The following CDH13 variants were observed in gnomAD, a reference collection of about 807,000 sequenced individuals.
The protein encoded by CDH13 is cadherin-13.
In CDH13, 24 loss-of-function variants were observed where a neutral mutation model predicts 63.8. The observed-to-expected ratio is 0.38, with a 90% CI of 0.27 to 0.53. The LOEUF is 0.53. Ranked by LOEUF, CDH13 falls within the 20% of genes least tolerant of loss-of-function variation. The pLI is 0.85. For missense variants in CDH13, 1,049 were observed against 903.1 expected, an observed-to-expected ratio of 1.16 and a Z score of -2.07; for synonymous variants, 503 against 355.3, an observed-to-expected ratio of 1.42 and a Z score of -4.67.
At chr16:83,331,355 C>G (rs1045441804) in intron 5 of CDH13, among the ~76,000 whole-genome samples, 1 of 152,158 alleles carries the variant, frequency 6.6e-6, no homozygotes. Flanking sequence ...ACTGTAAAGA[C>G]TAGAAAAGCC....
At chr16:83,218,036 T>A (rs571428310) in intron 5 of CDH13, among the ~76,000 whole-genome samples, 362 of 152,282 alleles carry the variant, frequency 2.4e-3, no homozygotes, top group Admixed American at 4.2e-3. Context: ...CAGACACATA[T>A]GGTATCCTCA....
At chr16:82,767,339 T>C (rs1171853503) in intron 1 of CDH13, among the ~76,000 whole-genome samples, 2 of 152,198 alleles carry the variant, frequency 1.3e-5, no homozygotes, top group African/African-American at 4.8e-5. Context: ...CTCTGATTGT[T>C]TTCTATCTTG....
intron 6 of CDH13, among the ~76,000 whole-genome samples, chr16:83,440,899 A>T (rs2072461960): frequency 6.6e-6 from 1 of 152,052 alleles, no homozygotes; most frequent in Admixed American, 6.5e-5. Flanking sequence ...AGAAAAGATG[A>T]ACCCATGACT....
chr16:83,512,103 C>T (rs2074581219), intron 7 of CDH13, among the ~76,000 whole-genome samples: 1 of 151,762 alleles, frequency 6.6e-6, no homozygotes, highest in Non-Finnish European at 1.5e-5. Context: ...GGGCGGATCA[C>T]GAGGTCTGGA....
At chr16:82,967,015 A>C (rs1907940536) in intron 2 of CDH13, among the ~76,000 whole-genome samples, 1 of 152,130 alleles carries the variant, frequency 6.6e-6, no homozygotes, top group Non-Finnish European at 1.5e-5. Flanking sequence ...CTCAGATCTC[A>C]TGTCTCTTTA....
intron 7 of CDH13, among the ~76,000 whole-genome samples, chr16:83,494,736 C>G (rs913708408): frequency 2.6e-5 from 4 of 152,172 alleles, no homozygotes; most frequent in African/African-American, 9.7e-5. Flanking sequence ...TAATGATAGA[C>G]CATTTCAAGA....
intron 7 of CDH13, among the ~76,000 whole-genome samples, chr16:83,547,697 C>T (rs1054881779): frequency 1.3e-5 from 2 of 152,166 alleles, no homozygotes; most frequent in Non-Finnish European, 2.9e-5. Context: ...ATCCAGTCTA[C>T]AGTTGATGGG....
intron 5 of CDH13, among the ~76,000 whole-genome samples, chr16:83,292,616 C>T (rs2089491751): frequency 1.3e-5 from 2 of 152,126 alleles, no homozygotes; most frequent in South Asian, 2.1e-4. Flanking sequence ...AGGCCCATCA[C>T]ACACTCTCAC....
At chr16:82,833,388 A>G (rs2038628790) in intron 1 of CDH13, among the ~76,000 whole-genome samples, 1 of 152,194 alleles carries the variant, frequency 6.6e-6, no homozygotes, top group African/African-American at 2.4e-5. Context: ...AGTTGCATAG[A>G]TAGTAAATTG....
At chr16:83,046,750 G>C (rs1917820703) in intron 3 of CDH13, among the ~76,000 whole-genome samples, 1 of 152,172 alleles carries the variant, frequency 6.6e-6, no homozygotes, top group Non-Finnish European at 1.5e-5. Context: ...ATGCCTCCTA[G>C]ATAGTGAGGC....
chr16:82,698,807 A>C (rs1170338933), intron 1 of CDH13, among the ~76,000 whole-genome samples: 1 of 152,214 alleles, frequency 6.6e-6, no homozygotes, highest in African/African-American at 2.4e-5. Flanking sequence ...TCTGTTTAAG[A>C]AGGGTTCACA....
At chr16:83,383,985 C>T (rs1289365664) in intron 6 of CDH13, among the ~76,000 whole-genome samples, 1 of 152,110 alleles carries the variant, frequency 6.6e-6, no homozygotes, top group African/African-American at 2.4e-5. Flanking sequence ...AATATACGTA[C>T]ATATATATGG....
At chr16:82,922,148 C>G (rs1038277574) in intron 2 of CDH13, among the ~76,000 whole-genome samples, 46 of 152,154 alleles carry the variant, frequency 3.0e-4, no homozygotes, top group Non-Finnish European at 7.3e-5. Flanking sequence ...TCTGTGTCTT[C>G]TCTCTTTTAT....
At chr16:82,963,011 T>A (rs1318658113) in intron 2 of CDH13, among the ~76,000 whole-genome samples, 1 of 152,174 alleles carries the variant, frequency 6.6e-6, no homozygotes, top group Non-Finnish European at 1.5e-5. Context: ...CAAATGATCA[T>A]TTGTATATTT....
intron 1 of CDH13, among the ~76,000 whole-genome samples, chr16:82,851,540 T>A (rs997028608): frequency 6.6e-6 from 1 of 151,916 alleles, no homozygotes; most frequent in African/African-American, 2.4e-5. Flanking sequence ...TGTAAAACCA[T>A]TTGTAAGTGT....
At chr16:83,278,574 C>T (rs2089064907) in intron 5 of CDH13, among the ~76,000 whole-genome samples, 1 of 152,208 alleles carries the variant, frequency 6.6e-6, no homozygotes. Flanking sequence ...AAACATACAA[C>T]AGGCTCTGGA....
intron 5 of CDH13, among the ~76,000 whole-genome samples, chr16:83,242,183 C>G (rs1224599415): frequency 1.3e-5 from 2 of 152,112 alleles, no homozygotes; most frequent in African/African-American, 2.4e-5. Context: ...TTTCATTGAG[C>G]TAGATATTTG....
At chr16:83,437,870 T>A (rs2072358032) in intron 6 of CDH13, among the ~76,000 whole-genome samples, 1 of 152,046 alleles carries the variant, frequency 6.6e-6, no homozygotes, top group South Asian at 2.1e-4. Flanking sequence ...CAAATAAAGA[T>A]TATTTGTTCC....
At chr16:82,655,577 G>A (rs1258768013) in intron 1 of CDH13, among the ~76,000 whole-genome samples, 2 of 152,128 alleles carry the variant, frequency 1.3e-5, no homozygotes, top group East Asian at 3.9e-4. Flanking sequence ...GAGAGTGATG[G>A]GAAACCACTG....
Sources: gnomAD v4.1 joint callset for allele counts (sites outside exome capture counted in the v4.1 genomes callset) on GRCh38, gnomAD v4.1.1 for gene constraint, MANE v1.5 for transcripts, NCBI Gene and HGNC (gene_info 2026-07-23, HGNC 2026-07-21) for gene names.